The following ZC3H12B variants were observed in gnomAD, a reference collection of about 807,000 sequenced individuals.
The protein encoded by ZC3H12B is probable ribonuclease ZC3H12B.
In ZC3H12B, 7 loss-of-function variants were observed where a neutral mutation model predicts 43.9. That is an observed-to-expected ratio of 0.16 (90% confidence interval 0.09 to 0.30). The LOEUF (loss-of-function observed/expected upper bound fraction) is 0.30, where lower values mean the gene tolerates loss of function less well. Among genes scored for constraint, ZC3H12B ranks in the 10% least tolerant of loss-of-function variants. ZC3H12B has a pLI of 1.00. For missense variants in ZC3H12B, 475 were observed against 670.2 expected (o/e 0.71, Z 3.22); for synonymous variants, 222 against 241.7 (o/e 0.92, Z 0.76).
chrX:65,437,986 T>G (rs1386412359), intron 3 of ZC3H12B, among the ~76,000 whole-genome samples: 1 of 112,568 alleles, frequency 8.9e-6, no homozygotes, highest in Admixed American at 9.4e-5. Flanking sequence ...TACCTCTTAT[T>G]GAAGAGATTG....
chrX:65,193,997 G>A, the ZC3H12B span, among the ~76,000 whole-genome samples: 1 of 110,501 alleles, frequency 9.0e-6, no homozygotes, highest in Non-Finnish European at 1.9e-5. Context: ...TCATGTGGCT[G>A]GAGCAAGAGG....
chrX:65,058,498 C>T, the ZC3H12B span, among the ~76,000 whole-genome samples: 4 of 112,211 alleles, frequency 3.6e-5, no homozygotes, highest in Non-Finnish European at 7.5e-5. Context: ...TCGGGGGTGC[C>T]TCCCAGTTAG....
chrX:65,386,088 G>C lies in ZC3H12B; in HGVS notation n.296-12505G>C, dbSNP rs185154560. Among the ~76,000 whole-genome samples, 6 of 111,801 alleles carry C rather than the reference G, an allele frequency of 5.4e-5. No individual in the cohort carries two copies. In the East Asian group the frequency reaches 1.7e-3, roughly 31 times the overall value. Reference sequence around the variant, plus strand: ...ATTTGTGCATTGATATTCATCAGGGGTATTGGTCTAAAATTCTCTTTTTTT... The same window carrying C: ...ATTTGTGCATTGATATTCATCAGGGCTATTGGTCTAAAATTCTCTTTTTTT... On this transcript the variant is annotated intron_variant and non_coding_transcript_variant, in intron 2 of 5. Transcript: ENST00000617377.
At chrX:65,102,593 T>A in the ZC3H12B span, among the ~76,000 whole-genome samples, 1 of 111,511 alleles carries the variant, frequency 9.0e-6, no homozygotes, top group East Asian at 2.8e-4. Flanking sequence ...ACACTAATAA[T>A]AGACAAACAG....
the ZC3H12B span, among the ~76,000 whole-genome samples, chrX:65,342,173 G>A: frequency 3.6e-5 from 4 of 111,455 alleles, no homozygotes; most frequent in Non-Finnish European, 7.5e-5. Context: ...ACAAAGAAGG[G>A]CATTACATGA....
At chrX:65,454,085 C>G (rs1004023154) in intron 3 of ZC3H12B, among the ~76,000 whole-genome samples, 2 of 112,531 alleles carry the variant, frequency 1.8e-5, no homozygotes, top group Non-Finnish European at 3.8e-5. Context: ...CAAATGATTT[C>G]TGCATTTCCA....
At chrX:65,203,985 T>C in the ZC3H12B span, among the ~76,000 whole-genome samples, 1 of 112,071 alleles carries the variant, frequency 8.9e-6, no homozygotes, top group African/African-American at 3.2e-5. Context: ...CTTTGTTATG[T>C]CTCATGTTGC....
At chrX:65,258,997 G>A in the ZC3H12B span, among the ~76,000 whole-genome samples, 10 of 111,806 alleles carry the variant, frequency 8.9e-5, no homozygotes, top group Non-Finnish European at 1.7e-4. Context: ...ACTGCTCAAA[G>A]CAATTTACAG....
At chrX:65,298,184 A>G in the ZC3H12B span, among the ~76,000 whole-genome samples, 5 of 112,161 alleles carry the variant, frequency 4.5e-5, no homozygotes, top group Non-Finnish European at 9.4e-5. Context: ...CTGCACAGCA[A>G]AAGAAACAAT....
the ZC3H12B span, among the ~76,000 whole-genome samples, chrX:65,166,658 C>T: frequency 1.8e-5 from 2 of 111,919 alleles, no homozygotes; most frequent in African/African-American, 3.3e-5. Flanking sequence ...TACAGTCCCA[C>T]CAACAATGTA....
chrX:65,377,732 C>T (rs2066366445), intron 2 of ZC3H12B, among the ~76,000 whole-genome samples: 1 of 111,248 alleles, frequency 9.0e-6, no homozygotes, highest in African/African-American at 3.3e-5. Context: ...ATTTTACCAA[C>T]ACCACACTTA....
At chrX:65,299,009 G>A in the ZC3H12B span, among the ~76,000 whole-genome samples, 2 of 111,506 alleles carry the variant, frequency 1.8e-5, no homozygotes, top group South Asian at 7.5e-4. Context: ...CCTCTACCTG[G>A]TCTCTCCCTT....
chrX:65,309,061 A>G, the ZC3H12B span, among the ~76,000 whole-genome samples: 2 of 111,264 alleles, frequency 1.8e-5, no homozygotes, highest in South Asian at 3.7e-4. Flanking sequence ...CAACACCCTA[A>G]CATCACAATT....
chrX:65,167,211 GT>G, the ZC3H12B span, among the ~76,000 whole-genome samples: 1 of 111,320 alleles, frequency 9.0e-6, no homozygotes, highest in African/African-American at 3.3e-5. Flanking sequence ...TCTTGAATTA[GT>G]TTTTGTATAA....
the ZC3H12B span, among the ~76,000 whole-genome samples, chrX:65,305,793 G>A: frequency 8.9e-6 from 1 of 111,850 alleles, no homozygotes; most frequent in African/African-American, 3.2e-5. Flanking sequence ...GCTCATTTAT[G>A]CAGATTAAAG....
chrX:65,488,021 G>A (rs907584162), upstream of ZC3H12B, among the ~76,000 whole-genome samples: 7 of 111,291 alleles, frequency 6.3e-5, no homozygotes, highest in African/African-American at 2.3e-4. Flanking sequence ...ATAGGCGTCC[G>A]TCACCATGCC....
chrX:65,196,051 G>A, the ZC3H12B span, among the ~76,000 whole-genome samples: 1,435 of 111,474 alleles, frequency 0.013, 30 homozygotes, highest in African/African-American at 0.043. Flanking sequence ...GACTGGCAGA[G>A]CAGAATATCT....
At chrX:65,377,765 A>C (rs1467947769) in intron 2 of ZC3H12B, among the ~76,000 whole-genome samples, 1 of 111,862 alleles carries the variant, frequency 8.9e-6, no homozygotes, top group Non-Finnish European at 1.9e-5. Flanking sequence ...TGCTAAAGGA[A>C]GTACTTCAAT....
At chrX:65,426,260 C>A (rs1257748481) in intron 3 of ZC3H12B, among the ~76,000 whole-genome samples, 3 of 108,909 alleles carry the variant, frequency 2.8e-5, no homozygotes, top group Non-Finnish European at 3.8e-5. Flanking sequence ...GTGTTTATAG[C>A]ATTCTCTGAT....
Sources: allele counts gnomAD v4.1 joint callset (sites outside exome capture counted in the v4.1 genomes callset), GRCh38; gene constraint gnomAD v4.1.1; transcripts MANE v1.5; gene names NCBI Gene and HGNC (gene_info 2026-07-23, HGNC 2026-07-21).